The following MEGF9 variants were observed in gnomAD, a reference collection of about 807,000 sequenced individuals.
MEGF9 encodes the protein multiple EGF like domains 9.
MEGF9 carries 6 observed loss-of-function variants against 46.8 expected under a neutral mutation model. The observed-to-expected ratio is 0.13, with a 90% CI of 0.07 to 0.25. The LOEUF (loss-of-function observed/expected upper bound fraction) is 0.25. Among genes scored for constraint, MEGF9 ranks in the 10% least tolerant of loss-of-function variants. MEGF9 has a pLI of 1.00. For synonymous variants in MEGF9, 302 were observed against 330.7 expected, an observed-to-expected ratio of 0.91 and a Z score of 0.94; for missense variants, 683 against 792.4, an observed-to-expected ratio of 0.86 and a Z score of 1.66.
At chr9:120,631,168 T>C (rs950167252) in intron 2 of MEGF9, among the ~76,000 whole-genome samples, 1 of 152,204 alleles carries the variant, frequency 6.6e-6, no homozygotes, top group Non-Finnish European at 1.5e-5. Context: ...TGGTGAGAGA[T>C]AAAGGTCTAG....
At chr9:120,648,869 T>G (rs1357365890) in intron 2 of MEGF9, among the ~76,000 whole-genome samples, 1 of 152,228 alleles carries the variant, frequency 6.6e-6, no homozygotes, top group Non-Finnish European at 1.5e-5. Flanking sequence ...AAATTTATTT[T>G]GGCATCAGTT....
At chr9:120,631,695 G>C (rs918381344) in intron 2 of MEGF9, among the ~76,000 whole-genome samples, 4 of 152,036 alleles carry the variant, frequency 2.6e-5, no homozygotes, top group African/African-American at 9.7e-5. Context: ...ATGTTGGCCA[G>C]GCTGGTCTTG....
At chr9:120,687,670 CTGTGTGTGTGTGTGTGTGTGTG>C (rs71385077) in intron 1 of MEGF9, among the ~76,000 whole-genome samples, 1 of 141,986 alleles carries the variant, frequency 7.0e-6, no homozygotes, top group Non-Finnish European at 1.5e-5. Context: ...GAACACAACA[CTGTGTGTGTGTGTGTGTGTGTG>C]TGTGTGTGTG....
intron 1 of MEGF9, chr9:120,691,558 A>G (rs1676574651): frequency 7.2e-6 from 2 of 276,460 alleles, no homozygotes; most frequent in South Asian, 6.0e-5. Context: ...GGATAGTTTA[A>G]ACGCATTTTA....
intron 2 of MEGF9, among the ~76,000 whole-genome samples, chr9:120,653,374 AT>A (rs755931608): frequency 5.0e-5 from 7 of 139,224 alleles, no homozygotes; most frequent in African/African-American, 1.7e-4. Context: ...TATTTATTTT[AT>A]TTATTTTTTT....
Position 120,670,171 on chromosome 9 carries a change from A to C in MEGF9, c.602-10596T>G, listed in dbSNP as rs550962048. Reference sequence around the variant, plus strand: ...GAGTGCCATGGCACACTCCCAGCTCACTGCAACCTCCGCTTCCTGGATTCA... The same window carrying C: ...GAGTGCCATGGCACACTCCCAGCTCCCTGCAACCTCCGCTTCCTGGATTCA... On this transcript the variant is annotated intron_variant, in intron 1 of 5. Transcript: ENST00000373930. Among the ~76,000 whole-genome samples the C allele has an allele frequency of 3.9e-5, 6 of 152,284 alleles. No individual in the cohort carries two copies. The East Asian group carries it at 9.6e-4, about 24-fold the overall frequency.
chr9:120,672,790 G>A (rs1165497864), intron 1 of MEGF9, among the ~76,000 whole-genome samples: 4 of 152,152 alleles, frequency 2.6e-5, no homozygotes, highest in African/African-American at 7.2e-5. Flanking sequence ...TTGAGAGGCC[G>A]AGGCAGGCGG....
At position 120,713,803 on chromosome 9, in the gene MEGF9, G is replaced by A. The variant is rs2043964418; in HGVS notation, c.556C>T (p.Leu186Phe). ...GCCTCGGTGGCAGGTGGGGTGGGGA[G>A]GACGCTGCTGTTGCTGCTGCTGGGG... Reference protein sequence around the residue: ...DLPSSSNSSVLPTPPATEAPS... With the variant: ...DLPSSSNSSVFPTPPATEAPS... Residue 186 changes from leucine to phenylalanine, a missense_variant, in exon 1 of 6, where the codon CTC (leucine) becomes TTC (phenylalanine). Leu to Phe is a conservative substitution (Grantham distance 22, BLOSUM62 0). Transcript: ENST00000373930. 6 of 1,297,762 alleles carry A rather than the reference G, an allele frequency of 4.6e-6. No individual in the cohort carries two copies. Among genetic ancestry groups the A allele is most frequent in the South Asian group, 3.0e-5 (1 of 33,078 alleles). 80.4% of individuals were successfully genotyped at this position (1,297,762 alleles called of 1,614,324 possible). A position where few individuals can be genotyped will look rare whatever the true frequency, so the allele number is the denominator to read the frequency against.
chr9:120,634,979 G>GTGTAAACAGGACTCCCTTGTGTAAAC (rs1272688654), intron 2 of MEGF9, among the ~76,000 whole-genome samples: 1 of 152,062 alleles, frequency 6.6e-6, no homozygotes, highest in Non-Finnish European at 1.5e-5. Flanking sequence ...GGACTCCCTT[G>GTGTAAACAGGACTCCCTTGTGTAAAC]AGCATTTCAT....
chr9:120,665,125 G>C (rs1425584747), intron 1 of MEGF9, among the ~76,000 whole-genome samples: 2 of 151,992 alleles, frequency 1.3e-5, no homozygotes. Flanking sequence ...GTACTATCCA[G>C]CTATAATTTT....
chr9:120,673,684 T>C, intron 1 of MEGF9, among the ~76,000 whole-genome samples: 1 of 151,286 alleles, frequency 6.6e-6, no homozygotes, highest in Non-Finnish European at 1.5e-5. Flanking sequence ...ATTAACTCAA[T>C]AGGCCGGGCA....
At chr9:120,713,446 G>T (rs2043961971) in intron 1 of MEGF9, among the ~76,000 whole-genome samples, 1 of 152,122 alleles carries the variant, frequency 6.6e-6, no homozygotes, top group Non-Finnish European at 1.5e-5. Flanking sequence ...CTGGGTGCGC[G>T]AACCCAACCC....
chr9:120,679,649 GAGACTCTGGCC>G (rs1158115446), intron 1 of MEGF9, among the ~76,000 whole-genome samples: 1 of 151,924 alleles, frequency 6.6e-6, no homozygotes, highest in African/African-American at 2.4e-5. Context: ...GAGAGACAGA[GAGACTCTGGCC>G]AGCGCAGTGG....
rs1291741117 is a variant in MEGF9, at chr9:120,605,170, T to C, written c.*20A>G. On this transcript the variant is annotated 3_prime_UTR_variant, in exon 6 of 6. Coordinates refer to ENST00000373930, the MANE Select transcript of MEGF9 (RefSeq NM_001080497.3). This position sits in a 1 kb window ranked among gnomAD's most constrained non-coding sequence, Gnocchi z 4.0. Reference sequence around the variant, plus strand: ...CTTAGCAAGCACTGTGGTTTAACAATTCAGAACAGTTCTAGCTCCTTAGGC... The same window carrying C: ...CTTAGCAAGCACTGTGGTTTAACAACTCAGAACAGTTCTAGCTCCTTAGGC... 2 of 1,595,514 alleles carry C rather than the reference T, an allele frequency of 1.3e-6. No homozygotes were observed. The highest frequency in any genetic ancestry group is 1.7e-5 in the Admixed American group (1 of 58,398).
chr9:120,713,814 T>C lies in MEGF9; in HGVS notation c.545A>G (p.Asn182Ser). Reference sequence around the variant, plus strand: ...AGGTGGGGTGGGGAGGACGCTGCTGTTGCTGCTGCTGGGGAGATCGGGGGT... The same window carrying C: ...AGGTGGGGTGGGGAGGACGCTGCTGCTGCTGCTGCTGGGGAGATCGGGGGT... The part of the protein sequence containing the change: ...TPTPDLPSSS[N>S]SSVLPTPPAT... Residue 182 changes from asparagine to serine, a missense_variant, in exon 1 of 6, where the codon AAC (asparagine) becomes AGC (serine). Asn to Ser is a conservative substitution (Grantham distance 46, BLOSUM62 1). Coordinates refer to ENST00000373930, the MANE Select transcript of MEGF9 (RefSeq NM_001080497.3). 7.7e-7 allele frequency: 1 copy of C among 1,298,892 alleles called. No homozygotes were observed. Among genetic ancestry groups the C allele is most frequent in the Non-Finnish European group, 9.8e-7 (1 of 1,022,748 alleles). The allele number at this position is 1,298,892 out of a possible 1,614,324, so 80.5% of individuals were successfully genotyped here.
chr9:120,667,080 CA>C (rs1030596010), intron 1 of MEGF9, among the ~76,000 whole-genome samples: 1 of 151,980 alleles, frequency 6.6e-6, no homozygotes, highest in Non-Finnish European at 1.5e-5. Flanking sequence ...TTAAAATATG[CA>C]AAAAAATTTT....
chr9:120,662,663 C>T (rs529195139), intron 1 of MEGF9, among the ~76,000 whole-genome samples: 7 of 152,190 alleles, frequency 4.6e-5, no homozygotes, highest in South Asian at 2.1e-4. Flanking sequence ...GCTGGAAGTG[C>T]TTTGGAGTAT....
At chr9:120,654,914 T>C (rs1360565865) in intron 2 of MEGF9, among the ~76,000 whole-genome samples, 3 of 151,900 alleles carry the variant, frequency 2.0e-5, no homozygotes, top group Non-Finnish European at 4.4e-5. Context: ...AATTTTAAAA[T>C]AGAAAAAAGC....
intron 2 of MEGF9, among the ~76,000 whole-genome samples, chr9:120,644,029 G>A (rs1001343081): frequency 6.6e-6 from 1 of 152,092 alleles, no homozygotes; most frequent in African/African-American, 2.4e-5. Context: ...GTTTAACTTC[G>A]TATGTAATCA....
Sources: allele counts gnomAD v4.1 joint callset (sites outside exome capture counted in the v4.1 genomes callset), GRCh38; gene constraint gnomAD v4.1.1; non-coding constraint Gnocchi (gnomAD v3.1); transcripts MANE v1.5; gene names NCBI Gene and HGNC (gene_info 2026-07-23, HGNC 2026-07-21).